GPR137B: variants seen among roughly 807,000 people sequenced by gnomAD.
The protein encoded by GPR137B is integral membrane protein GPR137B.
GPR137B carries 42 observed loss-of-function variants against 42.5 expected under a neutral mutation model. The observed-to-expected ratio is 0.99, with a 90% CI of 0.77 to 1.28. GPR137B has a LOEUF of 1.28. Among genes scored for constraint, GPR137B ranks in the 50% most tolerant of loss-of-function variants. The pLI, the probability that GPR137B is intolerant of heterozygous loss-of-function variation, is 0.00. For synonymous variants in GPR137B, 218 were observed against 209.7 expected (o/e 1.04, Z -0.34); for missense variants, 487 against 493.9 (o/e 0.99, Z 0.13).
intron 1 of GPR137B, among the ~76,000 whole-genome samples, chr1:236,159,918 T>C (rs1372877559): frequency 6.6e-6 from 1 of 152,176 alleles, no homozygotes; most frequent in Non-Finnish European, 1.5e-5. Flanking sequence ...ATGAGGGCTC[T>C]CGAACATTCC....
rs373965023 is a variant in GPR137B, at chr1:236,155,979, A to G, written c.415-12727A>G. Among the ~76,000 whole-genome samples the G allele has an allele frequency of 8.5e-5, 13 of 152,146 alleles. No homozygotes were observed. Among genetic ancestry groups the G allele is most frequent in the Admixed American group, 4.6e-4 (7 of 15,280 alleles). The stretch of plus-strand genomic sequence containing the variant: ...CACAAACGCACACACATGCACACAC[A>G]CGCGCGCGCGCAAACACACATGCAT... On this transcript the variant is annotated intron_variant, in intron 1 of 6. Coordinates refer to ENST00000366592, the MANE Select transcript of GPR137B (RefSeq NM_003272.4). The surrounding 1 kb of genome is among the most constrained non-coding windows in gnomAD (Gnocchi z 4.6).
chr1:236,185,761 G>A (rs553749842), intron 5 of GPR137B, among the ~76,000 whole-genome samples: 23 of 152,252 alleles, frequency 1.5e-4, no homozygotes, highest in African/African-American at 5.5e-4. Flanking sequence ...TTTAAAAACA[G>A]CTTTATTGAG....
intron 6 of GPR137B, among the ~76,000 whole-genome samples, chr1:236,206,480 C>T (rs1028803432): frequency 3.3e-5 from 5 of 152,152 alleles, no homozygotes; most frequent in Non-Finnish European, 5.9e-5. Context: ...AATCTACATG[C>T]GGATCTGGCC....
At position 236,156,851 on chromosome 1, in the gene GPR137B, G is replaced by A. The variant is rs1240640758; in HGVS notation, c.415-11855G>A. On this transcript the variant is annotated intron_variant, in intron 1 of 6. Coordinates refer to ENST00000366592, the MANE Select transcript of GPR137B (RefSeq NM_003272.4). This position sits in a 1 kb window ranked among gnomAD's most constrained non-coding sequence, Gnocchi z 4.8. The stretch of plus-strand genomic sequence containing the variant: ...CAGAGGGACCAGGAGAGCAAATATC[G>A]AATGCGTCAGTGGTTCTTAACCTTT... Among the ~76,000 whole-genome samples, 3 of 152,168 alleles carry A rather than the reference G, an allele frequency of 2.0e-5. No individual in the cohort carries two copies. The highest frequency in any genetic ancestry group is 2.9e-5 in the Non-Finnish European group (2 of 68,030).
chr1:236,159,263 A>C (rs975227265), intron 1 of GPR137B, among the ~76,000 whole-genome samples: 1 of 152,160 alleles, frequency 6.6e-6, no homozygotes, highest in Non-Finnish European at 1.5e-5. Flanking sequence ...GCAATGAGCT[A>C]TGATGGCACC....
intron 2 of GPR137B, among the ~76,000 whole-genome samples, chr1:236,176,330 G>C (rs1662683258): frequency 6.6e-6 from 1 of 152,140 alleles, no homozygotes; most frequent in Non-Finnish European, 1.5e-5. Flanking sequence ...CAGCTCTTGG[G>C]GGGTGGGGGG....
chr1:236,189,191 CT>C (rs1446083610), intron 5 of GPR137B, among the ~76,000 whole-genome samples: 1 of 151,988 alleles, frequency 6.6e-6, no homozygotes, highest in Non-Finnish European at 1.5e-5. Context: ...TTTATTGCGT[CT>C]ATTTGATTCT....
chr1:236,168,633 T>A, intron 1 of GPR137B, 73 bp from the exon 2 acceptor site: 1 of 1,119,034 alleles, frequency 8.9e-7, no homozygotes, highest in Non-Finnish European at 1.4e-6. Flanking sequence ...GCAGAGGAAT[T>A]CCCAGTGATG....
intron 6 of GPR137B, among the ~76,000 whole-genome samples, chr1:236,206,153 A>G (rs1412408923): frequency 6.6e-6 from 1 of 152,208 alleles, no homozygotes; most frequent in East Asian, 1.9e-4. Flanking sequence ...TATAGCATCT[A>G]CTCTGTATCA....
At chr1:236,185,004 T>C (rs964873397) in intron 5 of GPR137B, among the ~76,000 whole-genome samples, 4 of 152,142 alleles carry the variant, frequency 2.6e-5, no homozygotes, top group African/African-American at 9.7e-5. Context: ...TGACCTCAGG[T>C]GATCCGACCG....
chr1:236,158,592 A>G (rs1319187946), intron 1 of GPR137B, among the ~76,000 whole-genome samples: 1 of 152,242 alleles, frequency 6.6e-6, no homozygotes, highest in African/African-American at 2.4e-5. Flanking sequence ...GAATTTGCAT[A>G]CATACGTTTT....
rs184781177 is a variant in GPR137B, at chr1:236,155,116, G to A, written c.414+12080G>A. ...GAATTATTTGCCTCCACCTCTGTGC[G>A]GAACTGATGCCGAGACGGACTCCAC... On this transcript the variant is annotated intron_variant, in intron 1 of 6. Transcript: ENST00000366592. This position sits in a 1 kb window ranked among gnomAD's most constrained non-coding sequence, Gnocchi z 4.6. 1.4e-5 allele frequency among the ~76,000 whole-genome samples: 2 copies of A among 145,594 alleles called. No homozygotes were observed. The highest frequency in any genetic ancestry group is 2.8e-5 in the African/African-American group (1 of 35,116).
intron 1 of GPR137B, among the ~76,000 whole-genome samples, chr1:236,158,416 C>T (rs891039605): frequency 3.9e-5 from 6 of 152,192 alleles, no homozygotes; most frequent in African/African-American, 1.4e-4. Context: ...AAAAGTGAAA[C>T]TCTGTCTCAG....
chr1:236,154,727 A>C (rs537942067), intron 1 of GPR137B, among the ~76,000 whole-genome samples: 1 of 152,206 alleles, frequency 6.6e-6, no homozygotes, highest in African/African-American at 2.4e-5. Context: ...AGGAGGGGCA[A>C]AAACAAACTG....
At chr1:236,158,598 G>A (rs550012748) in intron 1 of GPR137B, among the ~76,000 whole-genome samples, 2 of 152,330 alleles carry the variant, frequency 1.3e-5, no homozygotes, top group South Asian at 2.1e-4. Flanking sequence ...GCATACATAC[G>A]TTTTGAACCA....
intron 1 of GPR137B, among the ~76,000 whole-genome samples, chr1:236,154,706 G>A (rs1212563167): frequency 6.6e-6 from 1 of 152,084 alleles, no homozygotes; most frequent in Non-Finnish European, 1.5e-5. Flanking sequence ...GAAGCAGAAA[G>A]TTATTCTGTG....
chr1:236,182,397 A>G (rs1662911037), intron 4 of GPR137B, among the ~76,000 whole-genome samples: 1 of 152,066 alleles, frequency 6.6e-6, no homozygotes, highest in African/African-American at 2.4e-5. Context: ...TATAAACTCT[A>G]TATATGGAGG....
chr1:236,170,163 G>GGA (rs1377949405), intron 2 of GPR137B, among the ~76,000 whole-genome samples: 1 of 152,088 alleles, frequency 6.6e-6, no homozygotes, highest in Non-Finnish European at 1.5e-5. Flanking sequence ...TTTCTGCCCG[G>GGA]GAGAACTCCA....
chr1:236,182,092 C>T (rs1662901608), intron 4 of GPR137B, among the ~76,000 whole-genome samples: 1 of 151,998 alleles, frequency 6.6e-6, no homozygotes, highest in Non-Finnish European at 1.5e-5. Flanking sequence ...CGGGTTTCAT[C>T]ATATAGGCCA....
Sources: allele counts gnomAD v4.1 joint callset (sites outside exome capture counted in the v4.1 genomes callset), GRCh38; gene constraint gnomAD v4.1.1; non-coding constraint Gnocchi (gnomAD v3.1); transcripts MANE v1.5; gene names NCBI Gene and HGNC (gene_info 2026-07-23, HGNC 2026-07-21).